The following ACVR2A variants were observed in gnomAD, a reference collection of about 807,000 sequenced individuals.
ACVR2A encodes activin receptor type-2A.
In ACVR2A, 7 loss-of-function variants were observed where a neutral mutation model predicts 61.4. The ratio of observed to expected loss-of-function variants is 0.11; its 90% confidence interval spans 0.06 to 0.21. The LOEUF is 0.21. Among genes scored for constraint, ACVR2A ranks in the 10% least tolerant of loss-of-function variants. ACVR2A has a pLI of 1.00. For missense variants in ACVR2A, 322 were observed against 621.7 expected, an observed-to-expected ratio of 0.52 and a Z score of 5.13; for synonymous variants, 193 against 208.3, an observed-to-expected ratio of 0.93 and a Z score of 0.63.
chr2:147,859,215 C>A (rs1010314865), intron 1 of ACVR2A, among the ~76,000 whole-genome samples: 4 of 152,064 alleles, frequency 2.6e-5, no homozygotes, highest in African/African-American at 9.7e-5. Flanking sequence ...CCTTCTTGGA[C>A]CAGAAGCAGC....
At position 147,918,569 on chromosome 2, in the gene ACVR2A, C is replaced by T. The variant is rs747065035; in HGVS notation, c.939C>T (p.Gly313=). The part of the protein sequence containing the change: ...LHEDIPGLKD[G]HKPAISHRDI... Reference sequence around the variant, plus strand: ...AGGATATACCTGGCCTAAAAGATGGCCACAAACCTGCCATATCTCACAGGT... The same window carrying T: ...AGGATATACCTGGCCTAAAAGATGGTCACAAACCTGCCATATCTCACAGGT... The change falls in exon 7 of 11, where the codon GGC becomes GGT. Residue 313 remains glycine, a synonymous_variant. Transcript: ENST00000241416. The T allele has an allele frequency of 3.1e-6, 5 of 1,607,810 alleles. No homozygotes were observed. Among genetic ancestry groups the T allele is most frequent in the Middle Eastern group, 3.3e-4 (2 of 6,054 alleles).
intron 1 of ACVR2A, among the ~76,000 whole-genome samples, chr2:147,878,379 A>G (rs1686211527): frequency 6.6e-6 from 1 of 152,048 alleles, no homozygotes; most frequent in African/African-American, 2.4e-5. Context: ...GATTGTTGAA[A>G]GGTGTTGGGT....
chr2:147,848,864 G>T (rs2105128707), intron 1 of ACVR2A, among the ~76,000 whole-genome samples: 1 of 152,112 alleles, frequency 6.6e-6, no homozygotes, highest in Admixed American at 6.5e-5. Flanking sequence ...TTTAAAAGCA[G>T]TAGTTTATTA....
intron 4 of ACVR2A, among the ~76,000 whole-genome samples, chr2:147,913,707 A>G (rs973655969): frequency 4.6e-5 from 7 of 151,146 alleles, no homozygotes; most frequent in Admixed American, 4.0e-4. Flanking sequence ...TGAGAATCAC[A>G]CTTGAGAGCC....
intron 2 of ACVR2A, chr2:147,897,233 C>T (rs1442350575): frequency 2.0e-5 from 3 of 152,148 alleles, no homozygotes; most frequent in Non-Finnish European, 2.9e-5. Flanking sequence ...GTCTCGATCT[C>T]CCGACCTCAG....
intron 1 of ACVR2A, among the ~76,000 whole-genome samples, chr2:147,891,381 A>C (rs1043287352): frequency 9.2e-5 from 14 of 152,184 alleles, no homozygotes; most frequent in Non-Finnish European, 2.1e-4. Flanking sequence ...CTTTCCCAAC[A>C]AAATAAACAA....
chr2:147,860,829 T>G (rs2105144140), intron 1 of ACVR2A, among the ~76,000 whole-genome samples: 1 of 152,224 alleles, frequency 6.6e-6, no homozygotes, highest in East Asian at 1.9e-4. Flanking sequence ...TTTAACTATG[T>G]AGTAGTATCT....
chr2:147,869,278 C>T (rs999038818), intron 1 of ACVR2A, among the ~76,000 whole-genome samples: 1 of 152,070 alleles, frequency 6.6e-6, no homozygotes, highest in African/African-American at 2.4e-5. Context: ...TGTTAATATA[C>T]GTATGCTTTT....
At chr2:147,882,985 C>T (rs1187517119) in intron 1 of ACVR2A, among the ~76,000 whole-genome samples, 1 of 152,036 alleles carries the variant, frequency 6.6e-6, no homozygotes, top group Non-Finnish European at 1.5e-5. Flanking sequence ...TCTCTTTCTT[C>T]ATATATCTAA....
At chr2:147,870,401 C>T (rs1386943973) in intron 1 of ACVR2A, among the ~76,000 whole-genome samples, 1 of 151,990 alleles carries the variant, frequency 6.6e-6, no homozygotes, top group Non-Finnish European at 1.5e-5. Flanking sequence ...GTGAAGTATA[C>T]CTTGCCACAA....
intron 1 of ACVR2A, among the ~76,000 whole-genome samples, chr2:147,859,630 A>G (rs1685675648): frequency 3.9e-5 from 6 of 152,088 alleles, no homozygotes; most frequent in Admixed American, 3.9e-4. Context: ...TGGTCAGAAA[A>G]GTTTGAGAGC....
chr2:147,886,405 T>G (rs1053631244), intron 1 of ACVR2A, among the ~76,000 whole-genome samples: 1 of 152,218 alleles, frequency 6.6e-6, no homozygotes, highest in African/African-American at 2.4e-5. Flanking sequence ...TTATACTGTT[T>G]CTCAATGACT....
chr2:147,889,140 G>A (rs1686516358), intron 1 of ACVR2A, among the ~76,000 whole-genome samples: 1 of 152,098 alleles, frequency 6.6e-6, no homozygotes, highest in Non-Finnish European at 1.5e-5. Context: ...AGACAGCCAT[G>A]TATGTCTGGA....
At chr2:147,886,891 C>T (rs966651133) in intron 1 of ACVR2A, among the ~76,000 whole-genome samples, 5 of 151,456 alleles carry the variant, frequency 3.3e-5, no homozygotes, top group African/African-American at 1.2e-4. Context: ...GAGAATGACA[C>T]ATTCTAAGCA....
chr2:147,920,203 A>C, intron 7 of ACVR2A, 27 bp from the exon 8 acceptor site: 1 of 1,526,608 alleles, frequency 6.6e-7, no homozygotes, highest in Middle Eastern at 1.7e-4. Flanking sequence ...GTTTAAACTT[A>C]ATTTGAATAC....
Position 147,896,286 on chromosome 2 carries a change from T to C in ACVR2A, c.56-15T>C. Reference sequence around the variant, plus strand: ...CAGATAATGTGGTTATATTATTGTTTTTATTATCTTATAGGTGCTATACTT... The same window carrying C: ...CAGATAATGTGGTTATATTATTGTTCTTATTATCTTATAGGTGCTATACTT... On this transcript the variant is annotated splice_polypyrimidine_tract_variant and intron_variant, in intron 1 of 10. Transcript: ENST00000241416. 1 of 1,595,536 alleles carries C rather than the reference T, an allele frequency of 6.3e-7. No homozygotes were observed. Among genetic ancestry groups the C allele is most frequent in the Non-Finnish European group, 8.6e-7 (1 of 1,166,018 alleles).
chr2:147,854,202 G>A (rs1346469708), intron 1 of ACVR2A, among the ~76,000 whole-genome samples: 1 of 152,136 alleles, frequency 6.6e-6, no homozygotes, highest in Non-Finnish European at 1.5e-5. Flanking sequence ...CCAGATAGCT[G>A]CCAATAAATA....
intron 3 of ACVR2A, 48 bp from the exon 4 acceptor site, chr2:147,899,696 G>C: frequency 6.2e-7 from 1 of 1,602,374 alleles, no homozygotes; most frequent in Non-Finnish European, 8.5e-7. Flanking sequence ...ATTTATTATA[G>C]AATTTTGTAG....
At chr2:147,896,228 G>C (rs879055652) in intron 1 of ACVR2A, 73 bp from the exon 2 acceptor site, 3 of 1,372,532 alleles carry the variant, frequency 2.2e-6, no homozygotes, top group African/African-American at 1.5e-5. Flanking sequence ...AATACCTAAA[G>C]TTGCTATCTT....
Sources: gnomAD v4.1 joint callset for allele counts (sites outside exome capture counted in the v4.1 genomes callset) on GRCh38, gnomAD v4.1.1 for gene constraint, MANE v1.5 for transcripts, NCBI Gene and HGNC (gene_info 2026-07-23, HGNC 2026-07-21) for gene names.